The following B3GAT3 variants were observed in gnomAD, a reference collection of about 807,000 sequenced individuals.
B3GAT3 encodes the protein beta-1,3-glucuronyltransferase 3, also known as galactosylgalactosylxylosylprotein 3-beta-glucuronosyltransferase 3.
B3GAT3 carries 19 observed loss-of-function variants against 33.1 expected under a neutral mutation model. That is an observed-to-expected ratio of 0.57 (90% confidence interval 0.40 to 0.84). The LOEUF (loss-of-function observed/expected upper bound fraction) is 0.84. Ranked by LOEUF, B3GAT3 falls within the 40% of genes least tolerant of loss-of-function variation. The pLI is 0.00. For missense variants in B3GAT3, 344 were observed against 441.5 expected (o/e 0.78, Z 1.98); for synonymous variants, 167 against 193.5 (o/e 0.86, Z 1.14).
At chr11:62,616,874 T>C (rs1943040413) in intron 3 of B3GAT3, 78 bp from the exon 4 acceptor site, 2 of 1,612,140 alleles carry the variant, frequency 1.2e-6, no homozygotes, top group Non-Finnish European at 1.7e-6. Context: ...TGGCTCACTC[T>C]GCCCCACTGC....
rs1317911252 is a variant in B3GAT3 at position 62,617,291 on chromosome 11, C to T, written c.314G>A (p.Arg105Gln). 5.0e-6 allele frequency: 8 copies of T among 1,613,288 alleles called. No homozygotes were observed. The highest frequency in any genetic ancestry group is 1.6e-4 in the Middle Eastern group (1 of 6,080). ...ATCCTCCACCAGCAGCCAATGCAGC[C>T]GGGGCACCAGGCTCAGTGTCTGGGA... ...RLSQTLSLVP[R>Q]LHWLLVEDAE... Residue 105 changes from arginine (R) to glutamine (Q), a missense_variant, in exon 3 of 5, where the codon CGG becomes CAG. Physicochemically the swap from Arg to Gln is conservative, Grantham distance 43. Transcript: ENST00000265471.
chr11:62,619,724 T>TTTTTTTTTTTTG (rs1554969086), intron 2 of B3GAT3, among the ~76,000 whole-genome samples: 2 of 137,134 alleles, frequency 1.5e-5, no homozygotes, highest in Admixed American at 7.5e-5. Flanking sequence ...TTTTTTTTTT[T>TTTTTTTTTTTTG]CAGAGACAAG....
chr11:62,616,857 A>T, intron 3 of B3GAT3, 61 bp from the exon 4 acceptor site: 1 of 1,612,586 alleles, frequency 6.2e-7, no homozygotes, highest in Non-Finnish European at 8.5e-7. Flanking sequence ...CAGCAGAAAG[A>T]GCCACCTGGC....
intron 1 of B3GAT3, 127 bp downstream of exon 1, chr11:62,621,739 G>T: frequency 9.6e-7 from 1 of 1,043,476 alleles, no homozygotes; most frequent in Non-Finnish European, 1.4e-6. Flanking sequence ...GTGCGCCTGA[G>T]GCCGCAGAGC....
At chr11:62,618,980 C>T (rs1438792122) in intron 2 of B3GAT3, among the ~76,000 whole-genome samples, 2 of 143,442 alleles carry the variant, frequency 1.4e-5, no homozygotes, top group Admixed American at 7.1e-5. Flanking sequence ...GAGACTCCAT[C>T]TCGGGAAAAA....
Position 62,620,485 on chromosome 11 carries a change from C to T in B3GAT3, c.257+12G>A. The stretch of plus-strand genomic sequence containing the variant: ...GACAACGCAGACCTCTTGAGTGCAC[C>T]AGAGCCCATACCTGGCATAGGTGGG... On this transcript the variant is annotated intron_variant, in intron 2 of 4. Transcript: ENST00000265471. The T allele has an allele frequency of 1.2e-6, 2 of 1,611,254 alleles. No individual in the cohort carries two copies. The highest frequency in any genetic ancestry group is 1.1e-5 in the South Asian group (1 of 90,674).
At chr11:62,621,256 C>G (rs1943139282) in intron 1 of B3GAT3, 3 of 456,492 alleles carry the variant, frequency 6.6e-6, no homozygotes, top group Non-Finnish European at 1.3e-5. Flanking sequence ...ACAGTCCCTG[C>G]CCTCATCGAG....
chr11:62,619,746 G>A (rs537387877), intron 2 of B3GAT3, among the ~76,000 whole-genome samples: 1 of 105,014 alleles, frequency 9.5e-6, no homozygotes, highest in African/African-American at 3.8e-5. Context: ...GTTTCACCAT[G>A]TTGCCCAGGC....
At chr11:62,621,699 G>T (rs1943147242) in intron 1 of B3GAT3, among the ~76,000 whole-genome samples, 167 bp downstream of exon 1, 1 of 152,212 alleles carries the variant, frequency 6.6e-6, no homozygotes, top group African/African-American at 2.4e-5. Context: ...GAGGTGCGGC[G>T]GGTAGCCGCG....
At chr11:62,620,273 T>C (rs530641879) in intron 2 of B3GAT3, among the ~76,000 whole-genome samples, 11 of 152,358 alleles carry the variant, frequency 7.2e-5, no homozygotes, top group African/African-American at 2.6e-4. Flanking sequence ...TCCACCCGCC[T>C]CGGCCTCCCA....
intron 2 of B3GAT3, among the ~76,000 whole-genome samples, chr11:62,620,275 G>C (rs1005421956): frequency 6.6e-6 from 1 of 152,146 alleles, no homozygotes; most frequent in African/African-American, 2.4e-5. Context: ...CACCCGCCTC[G>C]GCCTCCCAAA....
At position 62,620,675 on chromosome 11, in the gene B3GAT3, G is replaced by A. The variant is rs778725873; in HGVS notation, c.83-4C>T. 6.2e-7 allele frequency: 1 copy of A among 1,609,054 alleles called. No homozygotes were observed. Among genetic ancestry groups the A allele is most frequent in the Admixed American group, 1.7e-5 (1 of 59,636 alleles). ...GGAAGGCAGTCACATGGCTGGCCTGGTCCCAGGAAGCATTAATGGGGAAAG... is the reference window on the plus strand; with the variant it reads ...GGAAGGCAGTCACATGGCTGGCCTGATCCCAGGAAGCATTAATGGGGAAAG... On this transcript the variant is annotated splice_region_variant and splice_polypyrimidine_tract_variant and intron_variant, in intron 1 of 4. Coordinates refer to ENST00000265471, the MANE Select transcript of B3GAT3 (RefSeq NM_012200.4).
At chr11:62,616,476 A>C (rs769306390) in intron 4 of B3GAT3, 30 bp downstream of exon 4, 1 of 1,613,880 alleles carries the variant, frequency 6.2e-7, no homozygotes, top group South Asian at 1.1e-5. Flanking sequence ...TCCAAGAGCC[A>C]GGTTTCTATG....
chr11:62,616,555 T>C lies in B3GAT3; in HGVS notation c.860A>G (p.His287Arg), dbSNP rs1845530673. Residue 287 changes from histidine (H) to arginine (R), a missense_variant, in exon 4 of 5, where the codon CAC becomes CGC. Physicochemically the swap from His to Arg is conservative, Grantham distance 29. Transcript: ENST00000265471. The part of the protein sequence containing the change: ...RGHLESSLLS[H>R]LVDPKDLEPR... Reference sequence around the variant, plus strand: ...CTCCAGGTCCTTGGGATCCACAAGGTGGCTCAGAAGACTGCTCTCCAGGTG... The same window carrying C: ...CTCCAGGTCCTTGGGATCCACAAGGCGGCTCAGAAGACTGCTCTCCAGGTG... 1 of 1,614,004 alleles carries C rather than the reference T, an allele frequency of 6.2e-7. No homozygotes were observed. The highest frequency in any genetic ancestry group is 1.3e-5 in the African/African-American group (1 of 74,896).
At chr11:62,619,636 A>G (rs955788249) in intron 2 of B3GAT3, among the ~76,000 whole-genome samples, 8 of 142,862 alleles carry the variant, frequency 5.6e-5, no homozygotes, top group South Asian at 4.5e-4. Flanking sequence ...GGATCAAGCA[A>G]TCTTCCCACC....
chr11:62,621,918 G>A lies in B3GAT3; in HGVS notation c.30C>T (p.Leu10=). 4 of 1,613,100 alleles carry A rather than the reference G, an allele frequency of 2.5e-6. No individual in the cohort carries two copies. Among genetic ancestry groups the A allele is most frequent in the Non-Finnish European group, 3.4e-6 (4 of 1,179,386 alleles). The change falls in exon 1 of 5, where the codon CTC becomes CTT. Residue 10 remains leucine, a synonymous_variant. Transcript: ENST00000265471. ...CGGCGATCGACACCAGGAAGTAGGC[G>A]AGAAACACGTTCTTCAGCTTCAGCT... The part of the protein sequence containing the change: MKLKLKNVF[L]AYFLVSIAGL...
intron 4 of B3GAT3, 59 bp downstream of exon 4, chr11:62,616,447 C>T (rs1354519073): frequency 3.1e-6 from 5 of 1,609,884 alleles, no homozygotes; most frequent in Non-Finnish European, 4.2e-6. Flanking sequence ...CTCACTGTAC[C>T]TCCCCCATCA....
In B3GAT3 at chr11:62,617,517, C is replaced by T. The variant is rs1298876047; in HGVS notation, c.258-170G>A. The T allele has an allele frequency of 6.9e-6, 6 of 864,446 alleles. No individual in the cohort carries two copies. The East Asian group carries it at 1.6e-4, about 23-fold the overall frequency. The allele number at this position is 864,446 out of a possible 1,614,324, so 53.5% of individuals were successfully genotyped here. A position where few individuals can be genotyped will look rare whatever the true frequency, so the allele number is the denominator to read the frequency against. On this transcript the variant is annotated intron_variant, in intron 2 of 4. Transcript: ENST00000265471. Reference sequence around the variant, plus strand: ...CAACTTCATGCTAACACTCACCTGCCCTGTTCTTCTGGTCCATGTCCATCA... The same window carrying T: ...CAACTTCATGCTAACACTCACCTGCTCTGTTCTTCTGGTCCATGTCCATCA...
chr11:62,617,772 G>A (rs1027942754), intron 2 of B3GAT3, among the ~76,000 whole-genome samples: 4 of 151,954 alleles, frequency 2.6e-5, no homozygotes, highest in Non-Finnish European at 4.4e-5. Context: ...AGCTACTTGG[G>A]AGGCTGAGGC....
Sources: gnomAD v4.1 joint callset for allele counts (sites outside exome capture counted in the v4.1 genomes callset) on GRCh38, gnomAD v4.1.1 for gene constraint, MANE v1.5 for transcripts, NCBI Gene and HGNC (gene_info 2026-07-23, HGNC 2026-07-21) for gene names.